NR0B1: variants seen among roughly 807,000 people sequenced by gnomAD.
NR0B1 encodes DSS-AHC critical region on the X chromosome protein 1.
NR0B1 carries 3 observed loss-of-function variants against 23.0 expected under a neutral mutation model. The ratio of observed to expected loss-of-function variants is 0.13; its 90% CI spans 0.06 to 0.34. The LOEUF (loss-of-function observed/expected upper bound fraction) is 0.34, where lower values mean the gene tolerates loss of function less well. Among genes scored for constraint, NR0B1 ranks in the 10% least tolerant of loss-of-function variants. The pLI is 1.00. For missense variants in NR0B1, 350 were observed against 402.9 expected, an observed-to-expected ratio of 0.87 and a Z score of 1.12; for synonymous variants, 205 against 184.0, an observed-to-expected ratio of 1.11 and a Z score of -0.92.
Position 30,308,835 on chromosome X carries a change from A to G in NR0B1, c.529T>C (p.Phe177Leu). ...PGGAWWDRSY[F>L]AQRPGGKEAL... The stretch of plus-strand genomic sequence containing the variant: ...TCTTTACCCCCTGGCCTCTGCGCGA[A>G]GTAGGAGCGGTCCCACCACGCGCCC... The change falls in exon 1 of 2, where the codon TTC becomes CTC. Residue 177 changes from phenylalanine to leucine, a missense_variant. Physicochemically the swap from Phe to Leu is conservative, Grantham distance 22. Coordinates refer to ENST00000378970, the MANE Select transcript of NR0B1 (RefSeq NM_000475.5). The G allele has an allele frequency of 8.6e-7, 1 of 1,164,517 alleles. No homozygotes were observed. Among genetic ancestry groups the G allele is most frequent in the Non-Finnish European group, 1.1e-6 (1 of 873,092 alleles).
chrX:30,305,146 A>C (rs923515507), intron 1 of NR0B1, among the ~76,000 whole-genome samples: 2 of 112,920 alleles, frequency 1.8e-5, no homozygotes, highest in African/African-American at 6.4e-5. Context: ...TTCTATGCAA[A>C]TATGAAGAAG....
rs1180020192 is a variant in NR0B1 at position 30,308,626 on chromosome X, C to T, written c.738G>A (p.Val246=). ...AGACCACCTGTGGACTCTTGAGCGC[C>T]ACCGGCCGCAGCGCACCAGAGGAGG... ...WDTSSGALRP[V]ALKSPQVVCE... is the part of the protein sequence containing the mutation. The change falls in exon 1 of 2, where the codon GTG becomes GTA. Residue 246 remains valine, a synonymous_variant. Transcript: ENST00000378970. 2 of 1,207,002 alleles carry T rather than the reference C, an allele frequency of 1.7e-6. No homozygotes were observed. Among genetic ancestry groups the T allele is most frequent in the Admixed American group, 2.2e-5 (1 of 45,918 alleles).
chrX:30,304,385 C>T lies in NR0B1; in HGVS notation c.*194G>A. On this transcript the variant is annotated 3_prime_UTR_variant, in exon 2 of 2. Coordinates refer to ENST00000378970, the MANE Select transcript of NR0B1 (RefSeq NM_000475.5). ...AGCTATGCTACCTGTTGGCAAATGT[C>T]TTCTTTAACTATGGAACAGAGAAAT... The T allele has an allele frequency of 2.2e-6, 1 of 450,547 alleles. No homozygotes were observed. The highest frequency in any genetic ancestry group is 3.7e-6 in the Non-Finnish European group (1 of 272,889). 37.1% of individuals were successfully genotyped at this position (450,547 alleles called of 1,213,427 possible).
At position 30,308,888 on chromosome X, in the gene NR0B1, G is replaced by C; in HGVS notation, c.476C>G (p.Ala159Gly). ...TGGCCGTGCCTCGGGCGCTGCCGGA[G>C]CCACGTGCGTTTGCTTTGAGCTAGT... is the stretch of plus-strand genomic sequence containing the variant. ...LLTSSKQTHVAPAAPEARPGG... is the reference protein window; with the variant it reads ...LLTSSKQTHVGPAAPEARPGG... The change falls in exon 1 of 2, where the codon GCT becomes GGT. Residue 159 changes from alanine to glycine, a missense_variant. Coordinates refer to ENST00000378970, the MANE Select transcript of NR0B1 (RefSeq NM_000475.5). The C allele has an allele frequency of 8.5e-7, 1 of 1,175,527 alleles. No homozygotes were observed. The highest frequency in any genetic ancestry group is 1.1e-6 in the Non-Finnish European group (1 of 876,417).
Position 30,304,837 on chromosome X carries a change from A to T in NR0B1, c.1169-14T>A. ...GGCCCGGCACGTCTGGAGGGAGAAA[A>T]ATCTCTTTGTTATAAAACAGCTCAC... On this transcript the variant is annotated splice_polypyrimidine_tract_variant and intron_variant, in intron 1 of 1. Coordinates refer to ENST00000378970, the MANE Select transcript of NR0B1 (RefSeq NM_000475.5). 1 of 1,209,567 alleles carries T rather than the reference A, an allele frequency of 8.3e-7. No homozygotes were observed. The highest frequency in any genetic ancestry group is 1.1e-6 in the Non-Finnish European group (1 of 894,731).
chrX:30,304,711 G>A lies in NR0B1; in HGVS notation c.1281C>T (p.Ile427=), dbSNP rs746827941. 5.8e-6 allele frequency: 7 copies of A among 1,209,314 alleles called. No individual in the cohort carries two copies. In the Admixed American group the frequency reaches 6.6e-5, roughly 11 times the overall value. ...MTHQGPHDRF[I]ELNSTLFLLR... ...GCAGGAAAAGGGTACTATTAAGTTC[G>A]ATGAATCTGTCATGGGGCCCTTGGT... The change falls in exon 2 of 2, where the codon ATC becomes ATT. Residue 427 remains isoleucine (I), a synonymous_variant. Coordinates refer to ENST00000378970, the MANE Select transcript of NR0B1 (RefSeq NM_000475.5).
rs776169171 is a variant in NR0B1 at position 30,308,818 on chromosome X, C to G, written c.546G>C (p.Gly182=). 14 of 1,201,872 alleles carry G rather than the reference C, an allele frequency of 1.2e-5. No homozygotes were observed. Among genetic ancestry groups the G allele is most frequent in the Non-Finnish European group, 1.1e-6 (1 of 891,296 alleles). The part of the protein sequence containing the change: ...WDRSYFAQRP[G]GKEALPGGRA... ...GCCCGCCTGGTAGCGCCTCTTTACC[C>G]CCTGGCCTCTGCGCGAAGTAGGAGC... Residue 182 remains glycine (G), a synonymous_variant, in exon 1 of 2, where the codon GGG becomes GGC. Coordinates refer to ENST00000378970, the MANE Select transcript of NR0B1 (RefSeq NM_000475.5).
At position 30,308,851 on chromosome X, in the gene NR0B1, C is replaced by A. The variant is rs104894891; in HGVS notation, c.513G>T (p.Trp171Cys). The A allele has an allele frequency of 8.5e-7, 1 of 1,172,152 alleles. No homozygotes were observed. Residue 171 changes from tryptophan (W) to cysteine (C), a missense_variant, in exon 1 of 2, where the codon TGG (tryptophan) becomes TGT (cysteine). This residue lies in a region of NR0B1 where 298 missense variants were observed against 314.0 expected (regional missense o/e 0.95). Coordinates refer to ENST00000378970, the MANE Select transcript of NR0B1 (RefSeq NM_000475.5). ...AAPEARPGGA[W>C]WDRSYFAQRP... ...TCTGCGCGAAGTAGGAGCGGTCCCA[C>A]CACGCGCCCCCTGGCCGTGCCTCGG...
chrX:30,306,330 T>A lies in NR0B1; in HGVS notation c.1169-1507A>T, dbSNP rs761905423. On this transcript the variant is annotated intron_variant, in intron 1 of 1. Transcript: ENST00000378970. ...ACACAAACTGGCCTTCAAAATAAGGTCAGGGAAGAGAAAATGCAAATGGAC... is the reference window on the plus strand; with the variant it reads ...ACACAAACTGGCCTTCAAAATAAGGACAGGGAAGAGAAAATGCAAATGGAC... Among the ~76,000 whole-genome samples the A allele has an allele frequency of 2.7e-5, 3 of 111,032 alleles. No homozygotes were observed. In the Admixed American group the frequency reaches 2.9e-4, roughly 11 times the overall value.
chrX:30,306,827 A>T (rs889007550), intron 1 of NR0B1, among the ~76,000 whole-genome samples: 3 of 111,480 alleles, frequency 2.7e-5, no homozygotes, highest in African/African-American at 9.8e-5. Flanking sequence ...GCAGATTTGC[A>T]GACCCTGGGC....
At chrX:30,307,113 C>T (rs1926535369) in intron 1 of NR0B1, among the ~76,000 whole-genome samples, 1 of 111,938 alleles carries the variant, frequency 8.9e-6, no homozygotes, top group Non-Finnish European at 1.9e-5. Context: ...ATCAGAGATT[C>T]CAGCACCAGG....
chrX:30,308,437 C>G lies in NR0B1; in HGVS notation c.927G>C (p.Val309=). Residue 309 remains valine (V), a synonymous_variant, in exon 1 of 2, where the codon GTG becomes GTC. Coordinates refer to ENST00000378970, the MANE Select transcript of NR0B1 (RefSeq NM_000475.5). ...LAQDRLQFET[V]EVSEPSMLQK... is the part of the protein sequence containing the mutation. ...GCAGCATGCTGGGCTCCGAGACTTC[C>G]ACAGTCTCGAACTGCAAGCGGTCCT... 8.3e-7 allele frequency: 1 copy of G among 1,201,073 alleles called. No homozygotes were observed. Among genetic ancestry groups the G allele is most frequent in the Non-Finnish European group, 1.1e-6 (1 of 889,755 alleles).
chrX:30,306,315 G>A (rs955134709), intron 1 of NR0B1, among the ~76,000 whole-genome samples: 5 of 111,111 alleles, frequency 4.5e-5, no homozygotes, highest in Admixed American at 2.9e-4. Context: ...ACACAAACTG[G>A]CCTTCAAAAT....
chrX:30,304,446 G>A lies in NR0B1; in HGVS notation c.*133C>T. 7 of 719,899 alleles carry A rather than the reference G, an allele frequency of 9.7e-6. No homozygotes were observed. Among genetic ancestry groups the A allele is most frequent in the Non-Finnish European group, 1.4e-5 (7 of 492,648 alleles). The allele number at this position is 719,899 out of a possible 1,213,427, so 59.3% of individuals were successfully genotyped here. On this transcript the variant is annotated 3_prime_UTR_variant, in exon 2 of 2. Coordinates refer to ENST00000378970, the MANE Select transcript of NR0B1 (RefSeq NM_000475.5). ...CTGGAATAAAATTATTTCTTTAATT[G>A]AATACAAAAATACTCTGCATGTAAA...
At position 30,304,822 on chromosome X, in the gene NR0B1, G is replaced by A. The variant is rs749969864; in HGVS notation, c.1170C>T (p.Asp390=). The A allele has an allele frequency of 4.5e-5, 55 of 1,209,003 alleles. No homozygotes were observed. The highest frequency in any genetic ancestry group is 4.2e-4 in the Admixed American group (19 of 45,702). The change falls in exon 2 of 2, where the codon GAC becomes GAT. Residue 390 remains aspartate (D), a splice_region_variant and synonymous_variant. Coordinates refer to ENST00000378970, the MANE Select transcript of NR0B1 (RefSeq NM_000475.5). ...ACTTCACGCACTGCAGGCCCGGCAC[G>A]TCTGGAGGGAGAAAAATCTCTTTGT... ...YLKGTVLFNP[D]VPGLQCVKYI...
At chrX:30,306,577 A>ATGTGTG (rs58777171) in intron 1 of NR0B1, among the ~76,000 whole-genome samples, 4,214 of 92,259 alleles carry the variant, frequency 0.046, 107 homozygotes, top group East Asian at 0.17. Context: ...ATAAGGAAGA[A>ATGTGTG]TGTGTGTGTG....
Position 30,304,708 on chromosome X carries a change from T to A in NR0B1, c.1284A>T (p.Glu428Asp), listed in dbSNP as rs771962815. ...THQGPHDRFI[E>D]LNSTLFLLRF... ...TCAGCAGGAAAAGGGTACTATTAAG[T>A]TCGATGAATCTGTCATGGGGCCCTT... Residue 428 changes from glutamate (E) to aspartate (D), a missense_variant, in exon 2 of 2, where the codon GAA becomes GAT. Glu to Asp is a conservative substitution (Grantham distance 45, BLOSUM62 2). Coordinates refer to ENST00000378970, the MANE Select transcript of NR0B1 (RefSeq NM_000475.5). 8.3e-6 allele frequency: 10 copies of A among 1,209,388 alleles called. No homozygotes were observed. The highest frequency in any genetic ancestry group is 2.3e-4 in the Middle Eastern group (1 of 4,374).
At chrX:30,307,423 G>C (rs1365614541) in intron 1 of NR0B1, among the ~76,000 whole-genome samples, 5 of 111,834 alleles carry the variant, frequency 4.5e-5, no homozygotes, top group Non-Finnish European at 9.4e-5. Flanking sequence ...ATTTACTTGG[G>C]ACCTTGGGAC....
intron 1 of NR0B1, among the ~76,000 whole-genome samples, chrX:30,305,078 G>A (rs1347732412): frequency 8.9e-6 from 1 of 112,363 alleles, no homozygotes; most frequent in African/African-American, 3.2e-5. Context: ...GCCAACAAAC[G>A]CACACAATTT....
Sources: allele counts gnomAD v4.1 joint callset (sites outside exome capture counted in the v4.1 genomes callset), GRCh38; gene constraint gnomAD v4.1.1; regional missense constraint gnomAD v4.1.1; transcripts MANE v1.5; gene names NCBI Gene and HGNC (gene_info 2026-07-23, HGNC 2026-07-21).